COL6A2: variants seen among roughly 807,000 people sequenced by gnomAD.
The protein encoded by COL6A2 is collagen alpha-2(VI) chain.
In COL6A2, 90 loss-of-function variants were observed where a neutral mutation model predicts 124.9. That is an observed-to-expected ratio of 0.72 (90% confidence interval 0.61 to 0.86). The LOEUF is 0.86. COL6A2 is among the 40% of genes least tolerant of loss of function. COL6A2 has a pLI of 0.00. For missense variants in COL6A2, 1,607 were observed against 1,502.5 expected (o/e 1.07, Z -1.15); for synonymous variants, 793 against 618.2 (o/e 1.28, Z -4.19).
chr21:46,117,794 C>A, intron 11 of COL6A2, 80 bp from the exon 12 acceptor site: 1 of 1,444,860 alleles, frequency 6.9e-7, no homozygotes. Flanking sequence ...CGGGCTGGGA[C>A]AATGGAGCAC....
intron 1 of COL6A2, among the ~76,000 whole-genome samples, chr21:46,105,699 A>G (rs2078328615): frequency 6.6e-6 from 1 of 152,234 alleles, no homozygotes; most frequent in African/African-American, 2.4e-5. Flanking sequence ...CCCCATGGTA[A>G]CAACAAAGAA....
At chr21:46,105,171 A>C (rs1050939559) in intron 1 of COL6A2, among the ~76,000 whole-genome samples, 2 of 152,172 alleles carry the variant, frequency 1.3e-5, no homozygotes, top group Non-Finnish European at 2.9e-5. Context: ...TGAGCCCAGG[A>C]GTTCAAGACC....
chr21:46,104,717 G>T (rs566541374), intron 1 of COL6A2, among the ~76,000 whole-genome samples: 1 of 152,188 alleles, frequency 6.6e-6, no homozygotes, highest in African/African-American at 2.4e-5. Context: ...AACTCAAAGA[G>T]ACCCACACTG....
rs761030439 is a variant in COL6A2, at chr21:46,119,118, C to G, written c.1268C>G (p.Pro423Arg). 1.3e-5 allele frequency: 21 copies of G among 1,609,668 alleles called. No individual in the cohort carries two copies. Among genetic ancestry groups the G allele is most frequent in the Non-Finnish European group, 1.8e-5 (21 of 1,178,534 alleles). The change falls in exon 14 of 28, where the codon CCG (proline) becomes CGG (arginine). Residue 423 changes from proline (P) to arginine (R), a missense_variant and splice_region_variant. By Grantham distance (103) the Pro-to-Arg change is moderately radical. This residue lies in a region of COL6A2 where 1,223 missense variants were observed against 1,052.2 expected (regional missense o/e 1.16). Transcript: ENST00000300527. ...GPGPRGPKGE[P>R]GRRGDPGTKG... is the part of the protein sequence containing the mutation. The stretch of plus-strand genomic sequence containing the variant: ...GGGCCCCGCGGACCCAAAGGCGAGC[C>G]GGTGAGTCCCTCCTGCCCCTGCCTC...
intron 27 of COL6A2, chr21:46,129,422 C>A: frequency 6.2e-7 from 1 of 1,612,090 alleles, no homozygotes; most frequent in Non-Finnish European, 8.5e-7. Context: ...TGGAGCTGTT[C>A]ATTGACACCT....
chr21:46,120,325 C>T (rs1304357677), intron 15 of COL6A2, among the ~76,000 whole-genome samples, 190 bp from the exon 16 acceptor site: 2 of 152,180 alleles, frequency 1.3e-5, no homozygotes, highest in Non-Finnish European at 2.9e-5. Flanking sequence ...ACACCGTGCT[C>T]AGAGCGGCAG....
At position 46,116,432 on chromosome 21, in the gene COL6A2, A is replaced by G; in HGVS notation, c.927+29A>G. 6.2e-7 allele frequency: 1 copy of G among 1,611,722 alleles called. No individual in the cohort carries two copies. Among genetic ancestry groups the G allele is most frequent in the Admixed American group, 1.7e-5 (1 of 59,956 alleles). On this transcript the variant is annotated intron_variant, in intron 8 of 27. Transcript: ENST00000300527. The surrounding 1 kb of genome is among the most constrained non-coding windows in gnomAD (Gnocchi z 4.6). ...AGGCTCTTGCCCTGACAGACCTCAGACCTGCGCCAGCCTCGGCCCAGACCC... is the reference window on the plus strand; with the variant it reads ...AGGCTCTTGCCCTGACAGACCTCAGGCCTGCGCCAGCCTCGGCCCAGACCC...
intron 15 of COL6A2, among the ~76,000 whole-genome samples, chr21:46,120,139 CTCTTACCCCCAGCCCACTGAGGCATT>C (rs1725253095): frequency 6.8e-6 from 1 of 147,878 alleles, no homozygotes; most frequent in African/African-American, 2.5e-5. Flanking sequence ...ACTGAGGCAC[CTCTTACCCCCAGCCCACTGAGGCATT>C]GCTCACCCAC....
chr21:46,113,703 G>C, intron 4 of COL6A2: 1 of 473,278 alleles, frequency 2.1e-6, no homozygotes, highest in Middle Eastern at 6.0e-4. Context: ...TGGGATTCCA[G>C]GCGTGAGCTG....
At chr21:46,100,556 C>T (rs1181523557) in intron 1 of COL6A2, among the ~76,000 whole-genome samples, 1 of 152,152 alleles carries the variant, frequency 6.6e-6, no homozygotes, top group Non-Finnish European at 1.5e-5. Flanking sequence ...AGCACCAACT[C>T]GCATCACCCC....
At position 46,112,530 on chromosome 21, in the gene COL6A2, TCCA is replaced by T. The variant is rs1428442565; in HGVS notation, c.670_672del (p.Thr224del). 6.3e-7 allele frequency: 1 copy of T among 1,597,808 alleles called. No individual in the cohort carries two copies. ...CGACTACGCCACCATGCTGCCCGAC[TCCA>T]CCGAGATCGACCAGGACACCATCAA... On this transcript the variant is annotated inframe_deletion, in exon 3 of 28. Transcript: ENST00000300527.
intron 27 of COL6A2, 33 bp downstream of exon 27, chr21:46,126,574 A>G (rs1195788850): frequency 1.9e-6 from 3 of 1,612,666 alleles, no homozygotes; most frequent in Non-Finnish European, 2.5e-6. Context: ...ACCACCCCAG[A>G]CTAGCAAAGC....
Position 46,117,958 on chromosome 21 carries a change from C to G in COL6A2, c.1116+22C>G, listed in dbSNP as rs111592472. 4 of 1,602,550 alleles carry G rather than the reference C, an allele frequency of 2.5e-6. No homozygotes were observed. In the African/African-American group the frequency reaches 4.0e-5, roughly 16 times the overall value. On this transcript the variant is annotated intron_variant, in intron 12 of 27. Coordinates refer to ENST00000300527, the MANE Select transcript of COL6A2 (RefSeq NM_001849.4). The stretch of plus-strand genomic sequence containing the variant: ...CAAGGTAAGTGGCCTTGTCAGGGTA[C>G]GGGGCAGGCGGGGTCACCAGCTTCC...
intron 1 of COL6A2, among the ~76,000 whole-genome samples, chr21:46,098,552 G>T (rs977771759): frequency 1.3e-5 from 2 of 150,866 alleles, no homozygotes; most frequent in African/African-American, 2.4e-5. Flanking sequence ...GCGTCTGCGA[G>T]CGGTTCGGGT....
At position 46,111,272 on chromosome 21, in the gene COL6A2, C is replaced by T. The variant is rs373682616; in HGVS notation, c.-27-178C>T. 8.5e-5 allele frequency: 48 copies of T among 562,886 alleles called. No individual in the cohort carries two copies. The East Asian group carries it at 8.8e-4, about 10-fold the overall frequency. The allele number at this position is 562,886 out of a possible 1,614,324, so 34.9% of individuals were successfully genotyped here. A position where few individuals can be genotyped will look rare whatever the true frequency, so the allele number is the denominator to read the frequency against. On this transcript the variant is annotated intron_variant, in intron 1 of 27. Transcript: ENST00000300527. ...CCCCACCCAGGGTGGGGCAAGAGGGCGCAAGCCCCCCAGTCCAGATGCTGG... is the reference window on the plus strand; with the variant it reads ...CCCCACCCAGGGTGGGGCAAGAGGGTGCAAGCCCCCCAGTCCAGATGCTGG...
At chr21:46,124,149 GGA>G (rs1274653700) in intron 21 of COL6A2, among the ~76,000 whole-genome samples, 1 of 151,390 alleles carries the variant, frequency 6.6e-6, no homozygotes, top group African/African-American at 2.4e-5. Flanking sequence ...GTAAGTGAGT[GGA>G]TAGATAGATG....
chr21:46,117,740 G>T, intron 11 of COL6A2, 134 bp from the exon 12 acceptor site: 1 of 867,870 alleles, frequency 1.2e-6, no homozygotes, highest in Non-Finnish European at 1.7e-6. Flanking sequence ...CTGGCCTCTT[G>T]GTCACTGAGC....
In COL6A2 at chr21:46,122,905, G is replaced by C; in HGVS notation, c.1639G>C (p.Glu547Gln). 1 of 1,613,348 alleles carries C rather than the reference G, an allele frequency of 6.2e-7. No individual in the cohort carries two copies. Among genetic ancestry groups the C allele is most frequent in the Non-Finnish European group, 8.5e-7 (1 of 1,179,944 alleles). The stretch of plus-strand genomic sequence containing the variant: ...CCGAGGCGACTTTGGCTTGAAAGGA[G>C]AACCTGGGAGGAAAGGAGAGAAAGG... ...GGRGDFGLKG[E>Q]PGRKGEKGEP... The change falls in exon 21 of 28, where the codon GAA becomes CAA. Residue 547 changes from glutamate to glutamine, a missense_variant. Transcript: ENST00000300527.
chr21:46,132,319 T>C lies in COL6A2; in HGVS notation c.2827T>C (p.Ser943Pro). 1 of 1,607,290 alleles carries C rather than the reference T, an allele frequency of 6.2e-7. No individual in the cohort carries two copies. The highest frequency in any genetic ancestry group is 8.5e-7 in the Non-Finnish European group (1 of 1,179,520). The change falls in exon 28 of 28, where the codon TCC (serine) becomes CCC (proline). Residue 943 changes from serine (S) to proline (P), a missense_variant. Around this residue, in one of 3 missense-constraint regions of COL6A2, gnomAD observed 1,223 missense variants for 1,052.2 expected, o/e 1.16. Transcript: ENST00000300527. ...CGGGGCCCGGAGGCACGCAGAGCTG[T>C]CCTTCGTGTTCCTCACGGACGGCGT... ...RGGARRHAEL[S>P]FVFLTDGVTG...
Sources: allele counts gnomAD v4.1 joint callset (sites outside exome capture counted in the v4.1 genomes callset), GRCh38; gene constraint gnomAD v4.1.1; regional missense constraint gnomAD v4.1.1; non-coding constraint Gnocchi (gnomAD v3.1); transcripts MANE v1.5; gene names NCBI Gene and HGNC (gene_info 2026-07-23, HGNC 2026-07-21).